Variants in UNC13B observed in about 807,000 individuals in gnomAD.
The protein encoded by UNC13B is protein unc-13 homolog B.
UNC13B carries 144 observed loss-of-function variants against 211.0 expected under a neutral mutation model. The ratio of observed to expected loss-of-function variants is 0.68; its 90% CI spans 0.60 to 0.78. The LOEUF (loss-of-function observed/expected upper bound fraction) is 0.78. Ranked by LOEUF, UNC13B falls within the 30% of genes least tolerant of loss-of-function variation. The pLI is 0.00. For missense variants in UNC13B, 1,777 were observed against 2,002.0 expected, an observed-to-expected ratio of 0.89 and a Z score of 2.14; for synonymous variants, 709 against 725.8, an observed-to-expected ratio of 0.98 and a Z score of 0.37.
chr9:35,381,335 A>G, intron 19 of UNC13B, 120 bp downstream of exon 19: 1 of 1,019,234 alleles, frequency 9.8e-7, no homozygotes, highest in Non-Finnish European at 1.4e-6. Flanking sequence ...TCCTTGATTC[A>G]CTCTGTTACC....
At position 35,234,404 on chromosome 9, in the gene UNC13B, G is replaced by A. The variant is rs377637789; in HGVS notation, c.153-2065G>A. On this transcript the variant is annotated intron_variant, in intron 3 of 39. Transcript: ENST00000635942. ...CAACATACTGAGATTACAGGCATGAGCCATTGCACCTGGCCCAAGCAATTT... is the reference window on the plus strand; with the variant it reads ...CAACATACTGAGATTACAGGCATGAACCATTGCACCTGGCCCAAGCAATTT... Among the ~76,000 whole-genome samples the A allele has an allele frequency of 8.4e-4, 128 of 152,324 alleles. 3 individuals carry two copies. In the South Asian group the frequency reaches 0.025, roughly 30 times the overall value.
At chr9:35,167,525 G>T (rs552275261) in intron 1 of UNC13B, among the ~76,000 whole-genome samples, 1 of 150,326 alleles carries the variant, frequency 6.7e-6, no homozygotes, top group Non-Finnish European at 1.5e-5. Context: ...TTATATTGAT[G>T]ATATTCAGGA....
intron 7 of UNC13B, among the ~76,000 whole-genome samples, chr9:35,281,277 A>T (rs1034402909): frequency 2.0e-5 from 3 of 150,794 alleles, no homozygotes; most frequent in African/African-American, 7.3e-5. Flanking sequence ...TTAGCTGGGC[A>T]TGGTGGCACT....
chr9:35,355,270 C>T (rs1832956465), intron 11 of UNC13B, among the ~76,000 whole-genome samples: 1 of 152,144 alleles, frequency 6.6e-6, no homozygotes, highest in South Asian at 2.1e-4. Context: ...GAAACGGATA[C>T]ATTGTTGCCC....
chr9:35,398,322 C>T (rs941193939), intron 31 of UNC13B, 34 bp downstream of exon 31: 15 of 1,598,422 alleles, frequency 9.4e-6, no homozygotes, highest in Non-Finnish European at 1.3e-5. Context: ...ACTGTATTTT[C>T]CCTTTATTCC....
chr9:35,258,803 C>T (rs887388088), intron 6 of UNC13B, among the ~76,000 whole-genome samples, 190 bp from the exon 7 acceptor site: 3 of 152,314 alleles, frequency 2.0e-5, no homozygotes, highest in South Asian at 2.1e-4. Context: ...TGGCCAGGGC[C>T]ATAACCAATA....
Position 35,305,739 on chromosome 9 carries a change from C to A in UNC13B, c.6335C>A (p.Thr2112Lys), listed in dbSNP as rs985806360. 3 of 398,962 alleles carry A rather than the reference C, an allele frequency of 7.5e-6. No homozygotes were observed. Among genetic ancestry groups the A allele is most frequent in the Admixed American group, 4.4e-5 (1 of 22,724 alleles). 24.7% of individuals were successfully genotyped at this position (398,962 alleles called of 1,614,324 possible). A position where few individuals can be genotyped will look rare whatever the true frequency, so the allele number is the denominator to read the frequency against. The change falls in exon 9 of 40, where the codon ACA becomes AAA. Residue 2112 changes from threonine to lysine, a missense_variant. By Grantham distance (78) the Thr-to-Lys change is moderately conservative. Transcript: ENST00000635942. The part of the protein sequence containing the change: ...SVETSGVTTV[T>K]EVSKSNEISF... Reference sequence around the variant, plus strand: ...GAAACTAGTGGTGTGACTACAGTGACAGAAGTTTCAAAAAGTAATGAAATA... The same window carrying A: ...GAAACTAGTGGTGTGACTACAGTGAAAGAAGTTTCAAAAAGTAATGAAATA...
intron 2 of UNC13B, 39 bp from the exon 3 acceptor site, chr9:35,231,081 G>C (rs775320419): frequency 6.0e-6 from 8 of 1,327,494 alleles, no homozygotes; most frequent in Middle Eastern, 3.7e-4. Flanking sequence ...AACAATCTGA[G>C]CACTAAGTAT....
rs182039182 is a variant in UNC13B, at chr9:35,304,077, A to C, written c.4673A>C (p.Asp1558Ala). The C allele has an allele frequency of 9.9e-4, 395 of 398,718 alleles. No individual in the cohort carries two copies. The highest frequency in any genetic ancestry group is 1.5e-3 in the Non-Finnish European group (340 of 225,852). The allele number at this position is 398,718 out of a possible 1,614,324, so 24.7% of individuals were successfully genotyped here. Residue 1558 changes from aspartate to alanine, a missense_variant, in exon 9 of 40, where the codon GAT becomes GCT. Transcript: ENST00000635942. Reference sequence around the variant, plus strand: ...CAGTATGCATATTTATTTATACCTGATTCTTATCAAGAGTATTTGGATTGT... The same window carrying C: ...CAGTATGCATATTTATTTATACCTGCTTCTTATCAAGAGTATTTGGATTGT... The part of the protein sequence containing the change: ...TGQYAYLFIP[D>A]SYQEYLDCDL...
At chr9:35,299,345 A>G (rs1273173039) in intron 8 of UNC13B, among the ~76,000 whole-genome samples, 2 of 152,208 alleles carry the variant, frequency 1.3e-5, no homozygotes, top group Non-Finnish European at 2.9e-5. Context: ...TTATTAAAAG[A>G]AATATGTTTG....
intron 7 of UNC13B, among the ~76,000 whole-genome samples, chr9:35,275,133 T>G (rs1790697101): frequency 6.6e-6 from 1 of 152,178 alleles, no homozygotes; most frequent in African/African-American, 2.4e-5. Flanking sequence ...AGAGTCTTTT[T>G]TTCTCCCAAG....
intron 11 of UNC13B, among the ~76,000 whole-genome samples, chr9:35,338,637 A>C (rs1222545548): frequency 1.3e-5 from 2 of 152,162 alleles, no homozygotes; most frequent in East Asian, 3.9e-4. Context: ...CAGCTTTTTC[A>C]TGTTGCTTCT....
chr9:35,397,247 C>A lies in UNC13B; in HGVS notation c.11613C>A (p.Ile3871=). 2 of 1,614,180 alleles carry A rather than the reference C, an allele frequency of 1.2e-6. No individual in the cohort carries two copies. Among genetic ancestry groups the A allele is most frequent in the Non-Finnish European group, 8.5e-7 (1 of 1,180,026 alleles). ...CACAACTCAATCAGAGCTTTGAGAT[C>A]ATCCGGAAGCTGGAATGCCCAGACC... ...VFTQLNQSFE[I]IRKLECPDPS... Residue 3871 remains isoleucine, a synonymous_variant, in exon 29 of 40, where the codon ATC becomes ATA. Transcript: ENST00000635942.
intron 32 of UNC13B, 66 bp from the exon 33 acceptor site, chr9:35,398,816 C>A: frequency 6.3e-7 from 1 of 1,584,692 alleles, no homozygotes; most frequent in Non-Finnish European, 8.6e-7. Context: ...GACCAAATAG[C>A]TGGTGCCGCT....
intron 6 of UNC13B, among the ~76,000 whole-genome samples, chr9:35,257,903 C>G (rs945805078): frequency 6.6e-5 from 10 of 152,134 alleles, no homozygotes; most frequent in African/African-American, 2.4e-4. Context: ...ATGTTCCCTA[C>G]AGTTCATCTC....
intron 1 of UNC13B, among the ~76,000 whole-genome samples, chr9:35,193,464 T>C (rs1033032150): frequency 6.6e-6 from 1 of 151,924 alleles, no homozygotes; most frequent in East Asian, 1.9e-4. Context: ...CTGACCAACA[T>C]GGTGAAACCC....
chr9:35,387,086 A>G (rs1460395544), intron 24 of UNC13B, among the ~76,000 whole-genome samples: 1 of 152,182 alleles, frequency 6.6e-6, no homozygotes, highest in East Asian at 1.9e-4. Flanking sequence ...GTAAGTTTGC[A>G]GTCTCATAAA....
chr9:35,246,171 G>A (rs929063076), intron 6 of UNC13B, among the ~76,000 whole-genome samples: 1 of 151,886 alleles, frequency 6.6e-6, no homozygotes, highest in African/African-American at 2.4e-5. Flanking sequence ...GCCTGTTCAT[G>A]TCCTTTGCCC....
intron 1 of UNC13B, among the ~76,000 whole-genome samples, chr9:35,214,370 T>A (rs186834121): frequency 6.6e-6 from 1 of 152,286 alleles, no homozygotes; most frequent in East Asian, 1.9e-4. Flanking sequence ...GAGGTTGCAG[T>A]GAGTGGAGAT....
Sources: gnomAD v4.1 joint callset for allele counts (sites outside exome capture counted in the v4.1 genomes callset) on GRCh38, gnomAD v4.1.1 for gene constraint, MANE v1.5 for transcripts, NCBI Gene and HGNC (gene_info 2026-07-23, HGNC 2026-07-21) for gene names.